Variants in RANBP17 observed in about 807,000 individuals in gnomAD.
RANBP17 encodes RAN binding protein 17.
Under a neutral mutation model 141.2 loss-of-function variants are expected in RANBP17, and 158 were observed. The observed-to-expected ratio is 1.12, with a 90% CI of 0.98 to 1.28. RANBP17 has a LOEUF of 1.28. Ranked by LOEUF, RANBP17 falls within the 50% of genes most tolerant of loss-of-function variation. The pLI, the probability that RANBP17 is intolerant of heterozygous loss-of-function variation, is 0.00. For synonymous variants in RANBP17, 430 were observed against 450.0 expected, an observed-to-expected ratio of 0.96 and a Z score of 0.56; for missense variants, 1,438 against 1,290.7, an observed-to-expected ratio of 1.11 and a Z score of -1.75.
At chr5:170,989,559 A>G (rs778299392) in intron 14 of RANBP17, among the ~76,000 whole-genome samples, 2 of 151,816 alleles carry the variant, frequency 1.3e-5, no homozygotes, top group Non-Finnish European at 2.9e-5. Context: ...CTATACTAAT[A>G]TGTTATACTG....
intron 20 of RANBP17, among the ~76,000 whole-genome samples, chr5:171,211,013 A>AG (rs1226937311): frequency 6.6e-6 from 1 of 151,798 alleles, no homozygotes; most frequent in East Asian, 1.9e-4. Context: ...AAAAAAAAAA[A>AG]AAAAAAGGCT....
rs766217101 is a variant in RANBP17 at position 170,896,048 on chromosome 5, A to G, written c.424-2A>G. On this transcript the variant is annotated splice_acceptor_variant, in intron 4 of 27. Transcript: ENST00000523189. LOFTEE classifies it high-confidence loss of function. ...GGCTAAACTTTGTTATTTTCTCCAAAGGGTACTGTGGAACACTGCATAATA... is the reference window on the plus strand; with the variant it reads ...GGCTAAACTTTGTTATTTTCTCCAAGGGGTACTGTGGAACACTGCATAATA... 6.3e-6 allele frequency: 10 copies of G among 1,582,774 alleles called. No homozygotes were observed. The highest frequency in any genetic ancestry group is 8.6e-6 in the Non-Finnish European group (10 of 1,165,046).
Position 171,274,118 on chromosome 5 carries a change from G to GTGTGTA in RANBP17, c.2943+8276_2943+8277insATGTGT, listed in dbSNP as rs1767320200. 5.2e-5 allele frequency among the ~76,000 whole-genome samples: 6 copies of GTGTGTA among 115,350 alleles called. No homozygotes were observed. In the East Asian group the frequency reaches 1.4e-3, roughly 27 times the overall value. The allele number at this position is 115,350 out of a possible 152,430, so 75.7% of individuals were successfully genotyped here. ...TAAAGTTTAGTTTGATCAAGTGTGT[G>GTGTGTA]TGTGTGTGTGTGTGTGTGTGTGTGT... On this transcript the variant is annotated intron_variant, in intron 25 of 27. Coordinates refer to ENST00000523189, the MANE Select transcript of RANBP17 (RefSeq NM_022897.5).
chr5:170,913,609 T>G (rs1581131048), intron 7 of RANBP17, among the ~76,000 whole-genome samples: 1 of 151,840 alleles, frequency 6.6e-6, no homozygotes, highest in African/African-American at 2.4e-5. Context: ...AGTGGATGGG[T>G]TTTTGAGAGG....
At chr5:171,238,282 T>G (rs943763429) in intron 22 of RANBP17, among the ~76,000 whole-genome samples, 3 of 152,182 alleles carry the variant, frequency 2.0e-5, no homozygotes, top group Non-Finnish European at 4.4e-5. Context: ...ATTTGCAACC[T>G]TCGGCATAAA....
At position 170,916,146 on chromosome 5, in the gene RANBP17, T is replaced by A. The variant is rs1237695659; in HGVS notation, c.835-319T>A. Among the ~76,000 whole-genome samples, 2 of 129,314 alleles carry A rather than the reference T, an allele frequency of 1.5e-5. 1 individual carries two copies. The highest frequency in any genetic ancestry group is 6.6e-4 in the South Asian group (2 of 3,012). 84.8% of individuals were successfully genotyped at this position (129,314 alleles called of 152,430 possible). ...GCATTATCATGCGTTATATTCTATA[T>A]TGCATTATAATGCGTTATATTCTAT... is the stretch of plus-strand genomic sequence containing the variant. On this transcript the variant is annotated intron_variant, in intron 8 of 27. Transcript: ENST00000523189.
chr5:171,108,122 G>C (rs1322350523), intron 14 of RANBP17, among the ~76,000 whole-genome samples: 1 of 151,480 alleles, frequency 6.6e-6, no homozygotes, highest in African/African-American at 2.4e-5. Flanking sequence ...TTGTGTGCTT[G>C]ACAAATAGAA....
chr5:171,018,483 G>A (rs1780608703), intron 14 of RANBP17, among the ~76,000 whole-genome samples: 1 of 152,066 alleles, frequency 6.6e-6, no homozygotes, highest in Non-Finnish European at 1.5e-5. Flanking sequence ...TCCCTTGTTA[G>A]CTGTATTCGT....
intron 14 of RANBP17, among the ~76,000 whole-genome samples, chr5:171,008,471 T>C (rs1009069492): frequency 2.0e-5 from 3 of 152,136 alleles, no homozygotes; most frequent in Non-Finnish European, 4.4e-5. Context: ...GCAACAAGAC[T>C]GTTTATTTCA....
chr5:171,152,652 T>G (rs1758577326), intron 14 of RANBP17, among the ~76,000 whole-genome samples: 1 of 152,184 alleles, frequency 6.6e-6, no homozygotes, highest in Non-Finnish European at 1.5e-5. Context: ...TCTGTCATGC[T>G]GACTCCCATT....
intron 12 of RANBP17, among the ~76,000 whole-genome samples, chr5:170,950,933 G>A (rs1419884720): frequency 6.6e-6 from 1 of 152,066 alleles, no homozygotes; most frequent in Non-Finnish European, 1.5e-5. Context: ...AGCAACATAG[G>A]TGGAACTGGA....
At chr5:171,007,085 T>G (rs1429018476) in intron 14 of RANBP17, among the ~76,000 whole-genome samples, 1 of 152,134 alleles carries the variant, frequency 6.6e-6, no homozygotes, top group African/African-American at 2.4e-5. Flanking sequence ...AAAAAGTCTT[T>G]CCCGTTCATC....
intron 14 of RANBP17, among the ~76,000 whole-genome samples, chr5:170,979,167 T>A (rs528841385): frequency 3.3e-5 from 5 of 152,290 alleles, no homozygotes; most frequent in African/African-American, 1.2e-4. Flanking sequence ...AAACACTAAA[T>A]TCAGGATAAT....
At chr5:171,254,175 G>T (rs1426418973) in intron 24 of RANBP17, among the ~76,000 whole-genome samples, 1 of 151,566 alleles carries the variant, frequency 6.6e-6, no homozygotes, top group African/African-American at 2.4e-5. Flanking sequence ...GGAACCTGGG[G>T]GGCGGAGGTT....
At chr5:171,231,710 A>AT (rs1020417232) in intron 22 of RANBP17, among the ~76,000 whole-genome samples, 6 of 151,982 alleles carry the variant, frequency 3.9e-5, no homozygotes, top group African/African-American at 9.7e-5. Flanking sequence ...CGGGGAATTT[A>AT]TTTTTTTTCT....
intron 14 of RANBP17, among the ~76,000 whole-genome samples, chr5:171,068,263 A>G (rs1784427268): frequency 6.6e-6 from 1 of 151,812 alleles, no homozygotes; most frequent in South Asian, 2.1e-4. Flanking sequence ...TAATTTTATA[A>G]CTTCTATTTT....
intron 13 of RANBP17, among the ~76,000 whole-genome samples, chr5:170,967,903 A>T (rs1387419728): frequency 6.6e-6 from 1 of 151,698 alleles, no homozygotes; most frequent in Non-Finnish European, 1.5e-5. Context: ...AAAAATTTAT[A>T]GTAAATTTTT....
chr5:171,193,022 G>A (rs531741066), intron 18 of RANBP17, among the ~76,000 whole-genome samples: 71 of 152,342 alleles, frequency 4.7e-4, no homozygotes, highest in Non-Finnish European at 1.5e-4. Flanking sequence ...TTGGGAAATA[G>A]CAGATGATCT....
chr5:171,036,962 G>A (rs1781921535), intron 14 of RANBP17, among the ~76,000 whole-genome samples: 2 of 152,068 alleles, frequency 1.3e-5, no homozygotes, highest in Non-Finnish European at 2.9e-5. Context: ...CCCAGTAATA[G>A]GATTGCTGGG....
Sources: allele counts gnomAD v4.1 joint callset (sites outside exome capture counted in the v4.1 genomes callset), GRCh38; gene constraint gnomAD v4.1.1; transcripts MANE v1.5; gene names NCBI Gene and HGNC (gene_info 2026-07-23, HGNC 2026-07-21).